RAPGEF6: variants seen among roughly 807,000 people sequenced by gnomAD.
RAPGEF6 encodes Rap guanine nucleotide exchange factor 6, also known as PDZ domain containing guanine nucleotide exchange factor (GEF) 2.
RAPGEF6 carries 56 observed loss-of-function variants against 171.4 expected under a neutral mutation model. The observed-to-expected ratio is 0.33, with a 90% CI of 0.26 to 0.41. The LOEUF is 0.41. Ranked by LOEUF, RAPGEF6 falls within the 10% of genes least tolerant of loss-of-function variation. RAPGEF6 has a pLI of 1.00. For missense variants in RAPGEF6, 1,674 were observed against 1,921.4 expected (o/e 0.87, Z 2.41); for synonymous variants, 692 against 650.1 (o/e 1.06, Z -0.98).
At chr5:131,548,019 T>C in intron 6 of RAPGEF6, 28 bp downstream of exon 6, 1 of 1,605,724 alleles carries the variant, frequency 6.2e-7, no homozygotes, top group Non-Finnish European at 8.5e-7. Flanking sequence ...TTAAGGAAGA[T>C]TCATGAAGTG....
At chr5:131,493,888 C>T (rs938046303) in intron 13 of RAPGEF6, among the ~76,000 whole-genome samples, 1 of 152,180 alleles carries the variant, frequency 6.6e-6, no homozygotes, top group Non-Finnish European at 1.5e-5. Flanking sequence ...ACCTCTATAA[C>T]CTTTTAATCA....
In RAPGEF6 at chr5:131,504,844, A is replaced by G. The variant is rs1580932125; in HGVS notation, c.1102-66T>C. On this transcript the variant is annotated intron_variant, in intron 10 of 27. Transcript: ENST00000509018. ...TACATAAATATATCACTATGTACCAATGCAGAGCACAAAGGTAAGAAATCT... is the reference window on the plus strand; with the variant it reads ...TACATAAATATATCACTATGTACCAGTGCAGAGCACAAAGGTAAGAAATCT... 5.8e-6 allele frequency: 8 copies of G among 1,384,204 alleles called. No individual in the cohort carries two copies. The East Asian group carries it at 1.5e-4, about 25-fold the overall frequency. 85.7% of individuals were successfully genotyped at this position (1,384,204 alleles called of 1,614,324 possible).
At chr5:131,511,928 C>T (rs1016560264) in intron 7 of RAPGEF6, among the ~76,000 whole-genome samples, 6 of 152,140 alleles carry the variant, frequency 3.9e-5, no homozygotes, top group African/African-American at 1.4e-4. Flanking sequence ...TTTCTGTACA[C>T]AATTAGATCT....
intron 21 of RAPGEF6, among the ~76,000 whole-genome samples, chr5:131,452,547 CA>C (rs1753167880): frequency 6.7e-6 from 1 of 150,114 alleles, no homozygotes; most frequent in Non-Finnish European, 1.5e-5. Flanking sequence ...AAATAAAAGA[CA>C]TAGACTAATA....
intron 15 of RAPGEF6, among the ~76,000 whole-genome samples, chr5:131,483,348 CAA>C (rs10637299): frequency 1.6e-5 from 2 of 121,936 alleles, no homozygotes; most frequent in African/African-American, 3.1e-5. Context: ...GACTCTGTCT[CAA>C]AAAAAAAAAA....
chr5:131,634,898 C>T, intron 1 of RAPGEF6, 64 bp downstream of exon 1: 1 of 1,584,250 alleles, frequency 6.3e-7, no homozygotes, highest in African/African-American at 1.3e-5. Flanking sequence ...CCGCGGATTT[C>T]GGACAGACAG....
chr5:131,502,928 A>G (rs967840967), intron 11 of RAPGEF6, among the ~76,000 whole-genome samples: 3 of 152,140 alleles, frequency 2.0e-5, no homozygotes, highest in African/African-American at 7.2e-5. Flanking sequence ...CCTCCCGAGT[A>G]GCTGGGATTG....
chr5:131,612,724 C>T (rs1368567039), intron 1 of RAPGEF6, among the ~76,000 whole-genome samples: 1 of 152,176 alleles, frequency 6.6e-6, no homozygotes, highest in Admixed American at 6.5e-5. Flanking sequence ...TTGACTTACT[C>T]CATGTGGGTA....
Position 131,489,624 on chromosome 5 carries a change from T to G in RAPGEF6, c.1762A>C (p.Asn588His). Residue 588 changes from asparagine to histidine, a missense_variant, in exon 15 of 28, where the codon AAT becomes CAT. By Grantham distance (68) the Asn-to-His change is moderately conservative. Coordinates refer to ENST00000509018, the MANE Select transcript of RAPGEF6 (RefSeq NM_016340.6). ...TCAACGGCTTTCATAAATGTAATAT[T>G]CTCAAAGTTTTGTCCATTTACTTCC... ...IMEVNGQNFENITFMKAVEIL... is the reference protein window; with the variant it reads ...IMEVNGQNFEHITFMKAVEIL... The G allele has an allele frequency of 6.3e-7, 1 of 1,588,998 alleles. No homozygotes were observed. The highest frequency in any genetic ancestry group is 8.6e-7 in the Non-Finnish European group (1 of 1,163,584).
At chr5:131,485,387 T>C (rs571293041) in intron 15 of RAPGEF6, among the ~76,000 whole-genome samples, 13 of 152,334 alleles carry the variant, frequency 8.5e-5, no homozygotes, top group Admixed American at 6.5e-4. Flanking sequence ...AGAGGGACTC[T>C]TCGAGGAGAG....
chr5:131,427,344 CTAA>C, intron 27 of RAPGEF6, 53 bp from the exon 28 acceptor site: 1 of 1,413,504 alleles, frequency 7.1e-7, no homozygotes, highest in Non-Finnish European at 9.8e-7. Flanking sequence ...TAATGAGATC[CTAA>C]TAATCTAGTT....
intron 19 of RAPGEF6, among the ~76,000 whole-genome samples, chr5:131,458,375 C>T (rs374900551): frequency 6.6e-6 from 1 of 152,194 alleles, no homozygotes; most frequent in African/African-American, 2.4e-5. Context: ...GTTTGCCCTT[C>T]GCCTTCCACT....
intron 1 of RAPGEF6, among the ~76,000 whole-genome samples, chr5:131,616,810 A>G (rs1765293766): frequency 6.6e-6 from 1 of 151,474 alleles, no homozygotes; most frequent in East Asian, 1.9e-4. Context: ...GACAAGGTCT[A>G]TGTTGCCTAG....
chr5:131,463,425 A>G (rs1487160369), intron 18 of RAPGEF6, among the ~76,000 whole-genome samples: 1 of 152,066 alleles, frequency 6.6e-6, no homozygotes, highest in Non-Finnish European at 1.5e-5. Flanking sequence ...CTAAAAATAC[A>G]AAAATTCGCC....
chr5:131,595,330 T>C (rs192249390), intron 3 of RAPGEF6, among the ~76,000 whole-genome samples: 49 of 152,260 alleles, frequency 3.2e-4, no homozygotes, highest in African/African-American at 1.2e-3. Flanking sequence ...CCCCTTCACC[T>C]TCTGCTGTGA....
chr5:131,607,081 T>G (rs1028579947), intron 1 of RAPGEF6, among the ~76,000 whole-genome samples: 1 of 152,142 alleles, frequency 6.6e-6, no homozygotes, highest in African/African-American at 2.4e-5. Context: ...TAATTAGAAT[T>G]TATATACTTG....
intron 24 of RAPGEF6, among the ~76,000 whole-genome samples, chr5:131,434,831 C>T (rs2149807995): frequency 6.6e-6 from 1 of 152,176 alleles, no homozygotes; most frequent in South Asian, 2.1e-4. Flanking sequence ...CTGGAAGAAA[C>T]CAAATTTTTG....
rs565898421 is a variant in RAPGEF6, at chr5:131,505,348, A to G, written c.1101+16T>C. 1 of 1,612,594 alleles carries G rather than the reference A, an allele frequency of 6.2e-7. No homozygotes were observed. Among genetic ancestry groups the G allele is most frequent in the South Asian group, 1.1e-5 (1 of 90,914 alleles). The stretch of plus-strand genomic sequence containing the variant: ...AACCAACAGACAAGAAGACTTGACC[A>G]AAGAGATAATCTTACCTGACAATCA... On this transcript the variant is annotated intron_variant, in intron 10 of 27. Transcript: ENST00000509018.
chr5:131,470,464 T>C (rs1050159983), intron 17 of RAPGEF6, among the ~76,000 whole-genome samples: 2 of 152,194 alleles, frequency 1.3e-5, no homozygotes. Flanking sequence ...CTCTCTTGCC[T>C]CCTCCTACAA....
Sources: gnomAD v4.1 joint callset for allele counts (sites outside exome capture counted in the v4.1 genomes callset) on GRCh38, gnomAD v4.1.1 for gene constraint, MANE v1.5 for transcripts, NCBI Gene and HGNC (gene_info 2026-07-23, HGNC 2026-07-21) for gene names.